The following SULF1 variants were observed in gnomAD, a reference collection of about 807,000 sequenced individuals.
The protein encoded by SULF1 is sulfatase 1.
Under a neutral mutation model 110.5 loss-of-function variants are expected in SULF1, and 46 were observed. That is an observed-to-expected ratio of 0.42 (90% CI 0.33 to 0.53). SULF1 has a LOEUF of 0.53. Ranked by LOEUF, SULF1 falls within the 20% of genes least tolerant of loss-of-function variation. SULF1 has a pLI of 0.12. For missense variants in SULF1, 941 were observed against 1,094.2 expected (o/e 0.86, Z 1.98); for synonymous variants, 371 against 387.1 (o/e 0.96, Z 0.49).
At chr8:69,520,418 T>C (rs1404731033) in intron 3 of SULF1, among the ~76,000 whole-genome samples, 1 of 152,298 alleles carries the variant, frequency 6.6e-6, no homozygotes, top group East Asian at 1.9e-4. Context: ...TCTTTGTTCT[T>C]TGATTACACA....
In SULF1 at chr8:69,582,586, C is replaced by T. The variant is rs185306174; in HGVS notation, c.413-3771C>T. On this transcript the variant is annotated intron_variant, in intron 6 of 22. Coordinates refer to ENST00000402687, the MANE Select transcript of SULF1 (RefSeq NM_001128205.2). ...GGGGAGGGAGAAGTGAAGTAACTTG[C>T]ATGTAGATGGATACCCTAGCAAGTA... is the stretch of plus-strand genomic sequence containing the variant. 2.4e-3 allele frequency among the ~76,000 whole-genome samples: 358 copies of T among 151,174 alleles called. 2 individuals are homozygous for T. Among genetic ancestry groups the T allele is most frequent in the African/African-American group, 7.9e-3 (326 of 41,060 alleles).
At chr8:69,631,646 T>C (rs1476453934) in intron 19 of SULF1, among the ~76,000 whole-genome samples, 5 of 152,278 alleles carry the variant, frequency 3.3e-5, no homozygotes, top group African/African-American at 1.2e-4. Context: ...CATTGCCTCC[T>C]GTTCTTGCCT....
In SULF1 at chr8:69,576,108, A is replaced by G. The variant is rs943768137; in HGVS notation, c.311A>G (p.Asn104Ser). The stretch of plus-strand genomic sequence containing the variant: ...ACCGGGAAGTATGTGCACAATCACA[A>G]TGTCTACACCAACAACGAGAACTGC... ...MLTGKYVHNH[N>S]VYTNNENCSS... The change falls in exon 6 of 23, where the codon AAT becomes AGT. Residue 104 changes from asparagine to serine, a missense_variant. By Grantham distance (46) the Asn-to-Ser change is conservative. Around this residue, in one of 3 missense-constraint regions of SULF1, gnomAD observed 822 missense variants for 934.3 expected, o/e 0.88. Coordinates refer to ENST00000402687, the MANE Select transcript of SULF1 (RefSeq NM_001128205.2). 3.1e-6 allele frequency: 5 copies of G among 1,614,088 alleles called. No homozygotes were observed. Among genetic ancestry groups the G allele is most frequent in the East Asian group, 4.5e-5 (2 of 44,886 alleles).
chr8:69,514,786 G>A (rs1196470951), intron 3 of SULF1, among the ~76,000 whole-genome samples: 1 of 152,186 alleles, frequency 6.6e-6, no homozygotes, highest in Admixed American at 6.5e-5. Flanking sequence ...GGAGAAATCA[G>A]CCACAACAAA....
intron 15 of SULF1, among the ~76,000 whole-genome samples, 158 bp downstream of exon 15, chr8:69,624,355 G>A (rs1809837227): frequency 6.6e-6 from 1 of 152,204 alleles, no homozygotes; most frequent in Non-Finnish European, 1.5e-5. Flanking sequence ...AAGAAACAAT[G>A]AGTCCACGCA....
At position 69,543,031 on chromosome 8, in the gene SULF1, C is replaced by T. The variant is rs969719503; in HGVS notation, c.-133-20508C>T. Among the ~76,000 whole-genome samples, 14 of 152,212 alleles carry T rather than the reference C, an allele frequency of 9.2e-5. 1 individual carries two copies. Among genetic ancestry groups the T allele is most frequent in the South Asian group, 6.2e-4 (3 of 4,812 alleles). On this transcript the variant is annotated intron_variant, in intron 3 of 22. Transcript: ENST00000402687. ...AAACAACATGGGACTTACTATGACA[C>T]GCATGACAAACTTCTATGAGTCTGT...
chr8:69,640,725 T>C, intron 21 of SULF1, 83 bp from the exon 22 acceptor site: 2 of 1,167,102 alleles, frequency 1.7e-6, no homozygotes, highest in Non-Finnish European at 2.4e-6. Context: ...AGGATTTAGA[T>C]GTTGTGCATG....
chr8:69,507,201 G>A (rs1811258335), intron 3 of SULF1, among the ~76,000 whole-genome samples: 1 of 152,226 alleles, frequency 6.6e-6, no homozygotes, highest in Non-Finnish European at 1.5e-5. Context: ...TATCAGGCCA[G>A]ATGTTTTAAA....
chr8:69,563,993 T>C lies in SULF1; in HGVS notation c.18T>C (p.Cys6=), dbSNP rs1288998423. 2 of 1,614,094 alleles carry C rather than the reference T, an allele frequency of 1.2e-6. No homozygotes were observed. The highest frequency in any genetic ancestry group is 3.3e-5 in the Admixed American group (2 of 60,002). MKYSC[C]ALVLAVLGTE... is the part of the protein sequence containing the mutation. Reference sequence around the variant, plus strand: ...CAAATACAATGAAGTATTCTTGCTGTGCTCTGGTTTTGGCTGTCCTGGGCA... The same window carrying C: ...CAAATACAATGAAGTATTCTTGCTGCGCTCTGGTTTTGGCTGTCCTGGGCA... The change falls in exon 5 of 23, where the codon TGT becomes TGC. Residue 6 remains cysteine, a synonymous_variant. Coordinates refer to ENST00000402687, the MANE Select transcript of SULF1 (RefSeq NM_001128205.2).
intron 6 of SULF1, 57 bp from the exon 7 acceptor site, chr8:69,586,300 A>T: frequency 6.7e-7 from 1 of 1,490,750 alleles, no homozygotes; most frequent in Non-Finnish European, 8.9e-7. Context: ...ATACTTATCC[A>T]TTTATTTATG....
Position 69,540,107 on chromosome 8 carries a change from A to G in SULF1, c.-133-23432A>G, listed in dbSNP as rs535336691. On this transcript the variant is annotated intron_variant, in intron 3 of 22. Transcript: ENST00000402687. ...AGAATCGAGAAGTATTTTGATGATA[A>G]AATCAGCAGGATAGGGGATTAATCA... Among the ~76,000 whole-genome samples the G allele has an allele frequency of 5.9e-5, 9 of 152,356 alleles. 1 individual carries two copies. In the South Asian group the frequency reaches 1.9e-3, roughly 32 times the overall value.
intron 5 of SULF1, among the ~76,000 whole-genome samples, chr8:69,572,692 C>G (rs1255800074): frequency 1.3e-5 from 2 of 152,194 alleles, no homozygotes; most frequent in Non-Finnish European, 2.9e-5. Context: ...CAGGCCCCAT[C>G]CTGGACTTAC....
intron 19 of SULF1, among the ~76,000 whole-genome samples, chr8:69,631,225 T>G (rs1810514666): frequency 6.6e-6 from 1 of 152,198 alleles, no homozygotes. Flanking sequence ...GCTGAAGCAT[T>G]GCAAAACACA....
In SULF1 at chr8:69,530,665, A is replaced by T. The variant is rs117231585; in HGVS notation, c.-134+28697A>T. 5.1e-3 allele frequency among the ~76,000 whole-genome samples: 777 copies of T among 152,300 alleles called. 4 individuals carry two copies. The highest frequency in any genetic ancestry group is 0.014 in the Middle Eastern group (4 of 294). ...AGTAACCAGATGAACTATTTGAATG[A>T]ATTGTACCTCTTTCCAGAGTTCAGT... On this transcript the variant is annotated intron_variant, in intron 3 of 22. Coordinates refer to ENST00000402687, the MANE Select transcript of SULF1 (RefSeq NM_001128205.2).
intron 13 of SULF1, among the ~76,000 whole-genome samples, chr8:69,610,641 G>C (rs779493350): frequency 6.6e-6 from 1 of 152,178 alleles, no homozygotes; most frequent in African/African-American, 2.4e-5. Flanking sequence ...TGTATGAACA[G>C]TTGTTCATCT....
intron 5 of SULF1, among the ~76,000 whole-genome samples, chr8:69,570,338 A>G (rs140528780): frequency 5.1e-4 from 77 of 152,346 alleles, no homozygotes; most frequent in Middle Eastern, 3.4e-3. Context: ...TTTTCTGGAC[A>G]TGACAAACAG....
At chr8:69,637,093 T>G (rs1039636216) in intron 19 of SULF1, among the ~76,000 whole-genome samples, 1 of 152,206 alleles carries the variant, frequency 6.6e-6, no homozygotes, top group Non-Finnish European at 1.5e-5. Context: ...ACAATATTTT[T>G]TATTTTCCTC....
intron 3 of SULF1, among the ~76,000 whole-genome samples, chr8:69,553,950 A>C (rs957661316): frequency 6.6e-6 from 1 of 152,246 alleles, no homozygotes; most frequent in African/African-American, 2.4e-5. Context: ...AGGTTTTAAT[A>C]AACCTCCTTT....
intron 9 of SULF1, among the ~76,000 whole-genome samples, 156 bp downstream of exon 9, chr8:69,600,909 A>G (rs1213015295): frequency 1.3e-5 from 2 of 152,184 alleles, no homozygotes; most frequent in Non-Finnish European, 2.9e-5. Flanking sequence ...TGGCTTAATC[A>G]TCCCTCCCTT....
Sources: gnomAD v4.1 joint callset for allele counts (sites outside exome capture counted in the v4.1 genomes callset) on GRCh38, gnomAD v4.1.1 for gene constraint, gnomAD v4.1.1 regional missense constraint, MANE v1.5 for transcripts, NCBI Gene and HGNC (gene_info 2026-07-23, HGNC 2026-07-21) for gene names.